SV2C: variants seen among roughly 807,000 people sequenced by gnomAD.
The protein encoded by SV2C is synaptic vesicle glycoprotein 2C, also known as solute carrier family 22 member B3.
In SV2C, 49 loss-of-function variants were observed where a neutral mutation model predicts 79.7. That is an observed-to-expected ratio of 0.61 (90% CI 0.49 to 0.78). SV2C has a LOEUF of 0.78. Ranked by LOEUF, SV2C falls within the 30% of genes least tolerant of loss-of-function variation. The pLI is 0.00. For synonymous variants in SV2C, 334 were observed against 333.2 expected, an observed-to-expected ratio of 1.00 and a Z score of -0.03; for missense variants, 833 against 912.9, an observed-to-expected ratio of 0.91 and a Z score of 1.13.
chr5:76,072,187 A>G, the SV2C span, among the ~76,000 whole-genome samples: 1 of 152,232 alleles, frequency 6.6e-6, no homozygotes, highest in South Asian at 2.1e-4. Flanking sequence ...TGCAGAATTT[A>G]AAGCCATGAG....
intron 9 of SV2C, 178 bp downstream of exon 9, chr5:76,296,120 G>A: frequency 4.0e-6 from 2 of 502,608 alleles, no homozygotes; most frequent in South Asian, 3.6e-5. Flanking sequence ...AGGTACAAAT[G>A]TATCCATTAC....
the SV2C span, among the ~76,000 whole-genome samples, chr5:76,028,521 A>G: frequency 6.6e-6 from 1 of 152,210 alleles, no homozygotes; most frequent in Non-Finnish European, 1.5e-5. Context: ...AGCACAAATG[A>G]AAATGTCTTC....
At position 76,194,967 on chromosome 5, in the gene SV2C, G is replaced by A; in HGVS notation, c.629G>A (p.Gly210Glu). 7 of 1,614,058 alleles carry A rather than the reference G, an allele frequency of 4.3e-6. No homozygotes were observed. Among genetic ancestry groups the A allele is most frequent in the Non-Finnish European group, 5.9e-6 (7 of 1,179,952 alleles). Reference sequence around the variant, plus strand: ...ATGGTGGGGGCGTTCTTCTGGGGAGGACTGGCAGACAAAGTGGGAAGGAAA... The same window carrying A: ...ATGGTGGGGGCGTTCTTCTGGGGAGAACTGGCAGACAAAGTGGGAAGGAAA... ...GMMVGAFFWG[G>E]LADKVGRKQS... The change falls in exon 3 of 13, where the codon GGA (glycine) becomes GAA (glutamate). Residue 210 changes from glycine to glutamate, a missense_variant. Transcript: ENST00000502798.
the SV2C span, among the ~76,000 whole-genome samples, chr5:75,867,197 G>A: frequency 2.6e-5 from 4 of 152,142 alleles, no homozygotes; most frequent in African/African-American, 7.2e-5. Flanking sequence ...TAGGAAAGCT[G>A]CCTGATGTTT....
At chr5:76,028,746 T>C in the SV2C span, among the ~76,000 whole-genome samples, 1 of 152,188 alleles carries the variant, frequency 6.6e-6, no homozygotes, top group South Asian at 2.1e-4. Context: ...ATAATTTTTG[T>C]TGGGCCAGGG....
the SV2C span, among the ~76,000 whole-genome samples, chr5:75,890,677 C>T: frequency 1.2e-4 from 18 of 152,164 alleles, no homozygotes; most frequent in South Asian, 2.9e-3. Flanking sequence ...TCTCCCATTG[C>T]GAGGCTCCTG....
At chr5:75,933,134 T>C in the SV2C span, among the ~76,000 whole-genome samples, 1 of 152,302 alleles carries the variant, frequency 6.6e-6, no homozygotes, top group South Asian at 2.1e-4. Flanking sequence ...TCCTTATCCA[T>C]TAGTGCTTAA....
chr5:76,055,950 C>A, the SV2C span, among the ~76,000 whole-genome samples: 1 of 152,128 alleles, frequency 6.6e-6, no homozygotes, highest in African/African-American at 2.4e-5. Context: ...CAAACAGAGA[C>A]AATTTGACTT....
chr5:76,109,401 C>A (rs1454754858), intron 1 of SV2C, among the ~76,000 whole-genome samples: 1 of 152,170 alleles, frequency 6.6e-6, no homozygotes, highest in African/African-American at 2.4e-5. Flanking sequence ...AGGGAAAACA[C>A]CAATGAAATA....
chr5:76,340,924 A>ATTT lies in SV2C; in HGVS notation c.2001-12187_2001-12185dup, dbSNP rs56102200. ...TGTGCACCTGGCCTAGTTTTACAAA[A>ATTT]TTTTTTTTTTTTTTTTTTTTTCCGA... On this transcript the variant is annotated intron_variant, in intron 12 of 12. Coordinates refer to the SV2C transcript ENST00000322285. 3.0e-3 allele frequency among the ~76,000 whole-genome samples: 337 copies of ATTT among 111,894 alleles called. 2 individuals are homozygous for ATTT. Among genetic ancestry groups the ATTT allele is most frequent in the Middle Eastern group, 4.8e-3 (1 of 208 alleles). The allele number at this position is 111,894 out of a possible 152,430, so 73.4% of individuals were successfully genotyped here.
the SV2C span, among the ~76,000 whole-genome samples, chr5:75,887,577 T>C: frequency 6.6e-6 from 1 of 152,164 alleles, no homozygotes; most frequent in East Asian, 1.9e-4. Context: ...TCGTCTGGAA[T>C]GCAGGTACCT....
At chr5:76,239,608 C>G (rs1745719379) in intron 4 of SV2C, among the ~76,000 whole-genome samples, 1 of 152,180 alleles carries the variant, frequency 6.6e-6, no homozygotes, top group Non-Finnish European at 1.5e-5. Context: ...CACTTGGCTA[C>G]CAAGTTGGTC....
At chr5:76,259,904 C>T (rs934394788) in intron 4 of SV2C, among the ~76,000 whole-genome samples, 1 of 152,170 alleles carries the variant, frequency 6.6e-6, no homozygotes, top group African/African-American at 2.4e-5. Context: ...CTGCAATAAA[C>T]ATATGTGTGC....
intron 11 of SV2C, 145 bp from the exon 12 acceptor site, chr5:76,301,241 A>G: frequency 9.6e-7 from 1 of 1,044,454 alleles, no homozygotes; most frequent in Non-Finnish European, 1.4e-6. Context: ...ATTCAGGTGA[A>G]TGCACCAGTT....
intron 2 of SV2C, chr5:76,173,586 C>G: frequency 6.4e-7 from 1 of 1,574,444 alleles, no homozygotes; most frequent in Non-Finnish European, 8.7e-7. Context: ...AATTGGGCAA[C>G]AGTTCTTCAG....
the SV2C span, among the ~76,000 whole-genome samples, chr5:76,015,942 A>G: frequency 0.45 from 68,526 of 151,864 alleles, 17,610 homozygotes; most frequent in Middle Eastern, 0.6. Flanking sequence ...GCATGATCCA[A>G]TGGAAAGAAC....
chr5:76,050,560 C>T, the SV2C span, among the ~76,000 whole-genome samples: 1 of 152,184 alleles, frequency 6.6e-6, no homozygotes, highest in Non-Finnish European at 1.5e-5. Flanking sequence ...AGTAATTCAT[C>T]TAATTCTTGA....
the SV2C span, among the ~76,000 whole-genome samples, chr5:75,956,503 A>T: frequency 4.5e-3 from 677 of 152,040 alleles, 7 homozygotes; most frequent in African/African-American, 0.015. Context: ...ATATGTAACT[A>T]ACCTGCACAT....
intron 4 of SV2C, among the ~76,000 whole-genome samples, chr5:76,241,240 C>T (rs1745777769): frequency 6.7e-6 from 1 of 149,752 alleles, no homozygotes; most frequent in African/African-American, 2.5e-5. Context: ...AGATACTTTC[C>T]ATAAACAATC....
Sources: allele counts gnomAD v4.1 joint callset (sites outside exome capture counted in the v4.1 genomes callset), GRCh38; gene constraint gnomAD v4.1.1; transcripts MANE v1.5; gene names NCBI Gene and HGNC (gene_info 2026-07-23, HGNC 2026-07-21).